The following ANO10 variants were observed in gnomAD, a reference collection of about 807,000 sequenced individuals.
ANO10 encodes the protein anoctamin 10, also known as anoctamin-10.
Under a neutral mutation model 74.7 loss-of-function variants are expected in ANO10, and 77 were observed. That is an observed-to-expected ratio of 1.03 (90% confidence interval 0.86 to 1.25). The LOEUF (loss-of-function observed/expected upper bound fraction) is 1.25. ANO10 is among the 50% of genes most tolerant of loss of function. The pLI, the probability that ANO10 is intolerant of heterozygous loss-of-function variation, is 0.00. For synonymous variants in ANO10, 279 were observed against 284.9 expected (o/e 0.98, Z 0.21); for missense variants, 721 against 778.1 (o/e 0.93, Z 0.87).
intron 11 of ANO10, among the ~76,000 whole-genome samples, chr3:43,464,774 A>T (rs2075543037): frequency 6.6e-6 from 1 of 152,244 alleles, no homozygotes; most frequent in Admixed American, 6.5e-5. Context: ...TCATATCAAT[A>T]TATACAGAAA....
chr3:43,676,402 C>T (rs1379421434), intron 1 of ANO10, among the ~76,000 whole-genome samples: 1 of 152,016 alleles, frequency 6.6e-6, no homozygotes, highest in African/African-American at 2.4e-5. Flanking sequence ...CAAGGCCGTA[C>T]TGAGCCAGGT....
chr3:43,616,910 G>A (rs901632770), intron 1 of ANO10, among the ~76,000 whole-genome samples: 1 of 151,774 alleles, frequency 6.6e-6, no homozygotes, highest in Non-Finnish European at 1.5e-5. Flanking sequence ...CTCTCTTTGG[G>A]TTATTCCTGC....
rs576296140 is a variant in ANO10 at position 43,375,147 on chromosome 3, T to C, written c.1915-8173A>G. Reference sequence around the variant, plus strand: ...AAAAAAAAACAAACAACAAAAAACTTTAAGAATCATTTTTTTGGGTGGGCG... The same window carrying C: ...AAAAAAAAACAAACAACAAAAAACTCTAAGAATCATTTTTTTGGGTGGGCG... On this transcript the variant is annotated intron_variant, in intron 12 of 12. Transcript: ENST00000292246. 3.4e-5 allele frequency among the ~76,000 whole-genome samples: 5 copies of C among 147,334 alleles called. No homozygotes were observed. The East Asian group carries it at 6.2e-4, about 18-fold the overall frequency.
At chr3:43,390,981 C>T (rs2092260435) in intron 12 of ANO10, among the ~76,000 whole-genome samples, 1 of 152,148 alleles carries the variant, frequency 6.6e-6, no homozygotes. Flanking sequence ...CATTATCTTA[C>T]AGAAAAAATT....
At chr3:43,646,424 T>C (rs1453398705) in intron 1 of ANO10, among the ~76,000 whole-genome samples, 4 of 152,188 alleles carry the variant, frequency 2.6e-5, no homozygotes, top group South Asian at 2.1e-4. Flanking sequence ...GTGGCTGAGA[T>C]TGTGAATTCG....
At chr3:43,520,476 C>T (rs563310118) in intron 11 of ANO10, among the ~76,000 whole-genome samples, 1 of 152,234 alleles carries the variant, frequency 6.6e-6, no homozygotes, top group African/African-American at 2.4e-5. Context: ...CATCCTTTTA[C>T]ATGTGGATAT....
chr3:43,489,176 G>C lies in ANO10; in HGVS notation c.1798-56449C>G, dbSNP rs866952436. On this transcript the variant is annotated intron_variant, in intron 11 of 12. Coordinates refer to ENST00000292246, the MANE Select transcript of ANO10 (RefSeq NM_018075.5). ...CACACTCTGGGGACTGTTGTGGGGTGGGGGGAGGGGGGAGGGATAGCATTG... is the reference window on the plus strand; with the variant it reads ...CACACTCTGGGGACTGTTGTGGGGTCGGGGGAGGGGGGAGGGATAGCATTG... 4.1e-5 allele frequency among the ~76,000 whole-genome samples: 5 copies of C among 121,812 alleles called. No homozygotes were observed. In the South Asian group the frequency reaches 1.3e-3, roughly 32 times the overall value. The allele number at this position is 121,812 out of a possible 152,430, so 79.9% of individuals were successfully genotyped here.
intron 4 of ANO10, among the ~76,000 whole-genome samples, chr3:43,590,151 T>C (rs1189029985): frequency 1.3e-5 from 2 of 152,216 alleles, no homozygotes; most frequent in East Asian, 1.9e-4. Context: ...AGTATTTTCC[T>C]GCCATATGTT....
intron 11 of ANO10, among the ~76,000 whole-genome samples, chr3:43,541,860 A>C (rs1426866502): frequency 6.6e-6 from 1 of 152,228 alleles, no homozygotes; most frequent in Non-Finnish European, 1.5e-5. Flanking sequence ...AAAGGGTCCT[A>C]GGTTATCCAA....
chr3:43,483,721 T>A (rs1226270294), intron 11 of ANO10, among the ~76,000 whole-genome samples: 1 of 152,120 alleles, frequency 6.6e-6, no homozygotes, highest in Non-Finnish European at 1.5e-5. Context: ...TTTATACATT[T>A]TAGGGAGACA....
chr3:43,490,083 A>G (rs1248010358), intron 11 of ANO10, among the ~76,000 whole-genome samples: 1 of 152,212 alleles, frequency 6.6e-6, no homozygotes, highest in African/African-American at 2.4e-5. Flanking sequence ...GCCGTTCTCA[A>G]CGTGATACAT....
intron 11 of ANO10, among the ~76,000 whole-genome samples, chr3:43,532,540 T>C (rs1405608587): frequency 6.6e-6 from 1 of 152,178 alleles, no homozygotes; most frequent in African/African-American, 2.4e-5. Context: ...CAGAGATACA[T>C]AAAATTCTCA....
At chr3:43,438,243 G>A (rs1417773798) in intron 11 of ANO10, among the ~76,000 whole-genome samples, 1 of 152,066 alleles carries the variant, frequency 6.6e-6, no homozygotes, top group East Asian at 1.9e-4. Flanking sequence ...ACTGGCCCAA[G>A]TAACATAGCA....
rs915542543 is a variant in ANO10 at position 43,401,730 on chromosome 3, G to A, written c.1914+30881C>T. Among the ~76,000 whole-genome samples the A allele has an allele frequency of 5.3e-5, 8 of 152,268 alleles. No homozygotes were observed. The East Asian group carries it at 1.3e-3, about 26-fold the overall frequency. On this transcript the variant is annotated intron_variant, in intron 12 of 12. Transcript: ENST00000292246. ...CATATTTAAATATGTTCTGTGATAG[G>A]ATAATAGGTGTAATAAATAAGATAA...
intron 1 of ANO10, among the ~76,000 whole-genome samples, chr3:43,632,713 C>G (rs1174501124): frequency 6.6e-6 from 1 of 152,226 alleles, no homozygotes; most frequent in Admixed American, 6.5e-5. Context: ...CAGCACTACA[C>G]AGTTTCTATA....
intron 1 of ANO10, among the ~76,000 whole-genome samples, chr3:43,654,255 C>T (rs1334646269): frequency 6.6e-6 from 1 of 152,056 alleles, no homozygotes; most frequent in Non-Finnish European, 1.5e-5. Flanking sequence ...GGAAAAAATC[C>T]CAATAGGATG....
At chr3:43,392,210 AAAGTC>A (rs2092290760) in intron 12 of ANO10, among the ~76,000 whole-genome samples, 1 of 152,172 alleles carries the variant, frequency 6.6e-6, no homozygotes, top group African/African-American at 2.4e-5. Flanking sequence ...TAGTTTTTAA[AAAGTC>A]AAATCAAGCA....
intron 12 of ANO10, among the ~76,000 whole-genome samples, chr3:43,370,369 G>C (rs2091564837): frequency 6.6e-6 from 1 of 152,222 alleles, no homozygotes; most frequent in Non-Finnish European, 1.5e-5. Context: ...AGGCTTGCAA[G>C]TCTCTGATTT....
intron 11 of ANO10, among the ~76,000 whole-genome samples, chr3:43,441,361 GAAATA>G (rs1013987852): frequency 4.0e-5 from 6 of 151,868 alleles, no homozygotes; most frequent in Admixed American, 1.3e-4. Context: ...CGATGCCACA[GAAATA>G]AAATAGACTA....
Sources: gnomAD v4.1 joint callset for allele counts (sites outside exome capture counted in the v4.1 genomes callset) on GRCh38, gnomAD v4.1.1 for gene constraint, MANE v1.5 for transcripts, NCBI Gene and HGNC (gene_info 2026-07-23, HGNC 2026-07-21) for gene names.